The following CC2D2A variants were observed in gnomAD, a reference collection of about 807,000 sequenced individuals.
CC2D2A encodes the protein coiled-coil and C2 domain-containing protein 2A.
CC2D2A carries 155 observed loss-of-function variants against 212.9 expected under a neutral mutation model. The ratio of observed to expected loss-of-function variants is 0.73; its 90% CI spans 0.64 to 0.83. The LOEUF (loss-of-function observed/expected upper bound fraction) is 0.83. CC2D2A is among the 40% of genes least tolerant of loss of function. The probability of loss-of-function intolerance (pLI) is 0.00; values close to 1 mark genes in which losing one functional copy is unlikely to be tolerated. For missense variants in CC2D2A, 1,856 were observed against 1,956.2 expected, an observed-to-expected ratio of 0.95 and a Z score of 0.97; for synonymous variants, 667 against 686.5, an observed-to-expected ratio of 0.97 and a Z score of 0.44.
chr4:15,524,543 C>A (rs60131146), intron 11 of CC2D2A, among the ~76,000 whole-genome samples: 2 of 150,990 alleles, frequency 1.3e-5, no homozygotes, highest in East Asian at 3.9e-4. Context: ...CTCCGCCTCC[C>A]GGGTTCACGC....
In CC2D2A at chr4:15,537,887, C is replaced by G; in HGVS notation, c.1765-12C>G. On this transcript the variant is annotated splice_polypyrimidine_tract_variant and intron_variant, in intron 15 of 36. Coordinates refer to ENST00000424120, the MANE Select transcript of CC2D2A (RefSeq NM_001378615.1). Reference sequence around the variant, plus strand: ...ATTCCTGTTTGATATCATGTTGCCTCTAACTCAACAGAGGGCCAAGAAGAA... The same window carrying G: ...ATTCCTGTTTGATATCATGTTGCCTGTAACTCAACAGAGGGCCAAGAAGAA... 6.3e-7 allele frequency: 1 copy of G among 1,580,536 alleles called. No individual in the cohort carries two copies. Among genetic ancestry groups the G allele is most frequent in the Non-Finnish European group, 8.6e-7 (1 of 1,163,458 alleles).
chr4:15,508,475 C>G (rs1343165745), intron 6 of CC2D2A, among the ~76,000 whole-genome samples: 1 of 152,084 alleles, frequency 6.6e-6, no homozygotes, highest in East Asian at 1.9e-4. Context: ...TAATGGCTAC[C>G]ATTAATGCAC....
intron 3 of CC2D2A, chr4:15,479,156 A>G (rs986169560): frequency 6.8e-6 from 8 of 1,168,798 alleles, no homozygotes; most frequent in Non-Finnish European, 9.9e-6. Flanking sequence ...ATGGCAGTAC[A>G]CGATTACAAA....
intron 4 of CC2D2A, among the ~76,000 whole-genome samples, chr4:15,485,126 A>G (rs1341064868): frequency 6.6e-6 from 1 of 152,204 alleles, no homozygotes; most frequent in East Asian, 1.9e-4. Context: ...GGGCATAACA[A>G]CAAATGCTCA....
At chr4:15,551,607 A>G (rs1174009203) in intron 18 of CC2D2A, among the ~76,000 whole-genome samples, 1 of 151,950 alleles carries the variant, frequency 6.6e-6, no homozygotes, top group Non-Finnish European at 1.5e-5. Context: ...GTATATTTCA[A>G]CTCTAGAAAT....
chr4:15,493,579 ATT>A (rs970679145), intron 4 of CC2D2A, among the ~76,000 whole-genome samples: 3 of 152,074 alleles, frequency 2.0e-5, no homozygotes, highest in Non-Finnish European at 4.4e-5. Context: ...GGCCTAGTCT[ATT>A]TAAAACTGCA....
At chr4:15,568,626 A>C (rs1720008201) in intron 26 of CC2D2A, among the ~76,000 whole-genome samples, 1 of 152,242 alleles carries the variant, frequency 6.6e-6, no homozygotes, top group Non-Finnish European at 1.5e-5. Context: ...AAGTCAGAAG[A>C]AGGTAACAGC....
chr4:15,531,294 C>T (rs934651690), intron 13 of CC2D2A, among the ~76,000 whole-genome samples: 1 of 152,154 alleles, frequency 6.6e-6, no homozygotes, highest in Non-Finnish European at 1.5e-5. Context: ...CAGACACCAT[C>T]CCCACGCATT....
At chr4:15,470,897 A>G (rs1261544427) in intron 1 of CC2D2A, among the ~76,000 whole-genome samples, 1 of 151,986 alleles carries the variant, frequency 6.6e-6, no homozygotes, top group Non-Finnish European at 1.5e-5. Context: ...TAAGAGTACA[A>G]TGAGCTAAGT....
rs542894951 is a variant in CC2D2A at position 15,580,830 on chromosome 4, G to A, written c.3975+659G>A. Among the ~76,000 whole-genome samples, 210 of 152,234 alleles carry A rather than the reference G, an allele frequency of 1.4e-3. 1 individual carries two copies. Among genetic ancestry groups the A allele is most frequent in the Non-Finnish European group, 2.6e-3 (175 of 68,002 alleles). On this transcript the variant is annotated intron_variant, in intron 30 of 36. Transcript: ENST00000424120. ...CTTCAGAAGTTATACACATTCAACT[G>A]TACTAAGATAACTATCCAGTATTAC...
intron 1 of CC2D2A, among the ~76,000 whole-genome samples, chr4:15,475,135 G>A (rs554773679): frequency 7.9e-5 from 12 of 152,174 alleles, no homozygotes; most frequent in South Asian, 2.1e-4. Flanking sequence ...TTAGCCGGGC[G>A]TGGTGGCATG....
rs199676280 is a variant in CC2D2A, at chr4:15,528,557, C to A, written c.1360-63C>A. ...TTTTGCCCAGGAGAAGTGGGTGGGT[C>A]CAGTTGCACTGCAGTAGGGAATAGA... is the stretch of plus-strand genomic sequence containing the variant. On this transcript the variant is annotated intron_variant, in intron 12 of 36. Transcript: ENST00000424120. 2.9e-6 allele frequency: 4 copies of A among 1,361,730 alleles called. No homozygotes were observed. The African/African-American group carries it at 4.3e-5, about 15-fold the overall frequency. The allele number at this position is 1,361,730 out of a possible 1,614,324, so 84.4% of individuals were successfully genotyped here. A position where few individuals can be genotyped will look rare whatever the true frequency, so the allele number is the denominator to read the frequency against.
chr4:15,524,447 A>ATTTTTTTTTTTTTTT (rs71179636), intron 11 of CC2D2A, among the ~76,000 whole-genome samples: 14 of 89,970 alleles, frequency 1.6e-4, no homozygotes, highest in South Asian at 7.1e-4. Flanking sequence ...AAAATTTTTA[A>ATTTTTTTTTTTTTTT]TTTTTTTTTT....
In CC2D2A at chr4:15,533,228, AAGAT is replaced by A; in HGVS notation, c.1506_1509del (p.Asp502GlufsTer8). On this transcript the variant is annotated frameshift_variant, in exon 14 of 37. Coordinates refer to ENST00000424120, the MANE Select transcript of CC2D2A (RefSeq NM_001378615.1). LOFTEE classifies it high-confidence loss of function. Reference sequence around the variant, plus strand: ...AAATTCCGTGATGCTGAACAAGAAAAAGATAGAACATTGCTTAAGACTATCATAA... The same window carrying A: ...AAATTCCGTGATGCTGAACAAGAAAAAGAACATTGCTTAAGACTATCATAA... 1 of 1,594,420 alleles carries A rather than the reference AAGAT, an allele frequency of 6.3e-7. No individual in the cohort carries two copies. Among genetic ancestry groups the A allele is most frequent in the Non-Finnish European group, 8.5e-7 (1 of 1,174,650 alleles).
intron 4 of CC2D2A, among the ~76,000 whole-genome samples, chr4:15,501,882 A>G (rs1256693974): frequency 6.6e-6 from 1 of 152,244 alleles, no homozygotes; most frequent in Non-Finnish European, 1.5e-5. Flanking sequence ...CATGATATTT[A>G]TGGGTAAATT....
chr4:15,495,120 T>A (rs1350634722), intron 4 of CC2D2A, among the ~76,000 whole-genome samples: 2 of 152,192 alleles, frequency 1.3e-5, no homozygotes, highest in Non-Finnish European at 2.9e-5. Flanking sequence ...TTTTTCTTTT[T>A]TTTTGGAAGA....
At chr4:15,582,063 T>C (rs1720685909) in intron 30 of CC2D2A, among the ~76,000 whole-genome samples, 1 of 152,200 alleles carries the variant, frequency 6.6e-6, no homozygotes, top group African/African-American at 2.4e-5. Flanking sequence ...ACATGTTTAA[T>C]ATATTTAAGA....
At chr4:15,550,255 T>G (rs539160854) in intron 17 of CC2D2A, among the ~76,000 whole-genome samples, 20 of 152,206 alleles carry the variant, frequency 1.3e-4, no homozygotes, top group Non-Finnish European at 2.8e-4. Flanking sequence ...ATGGTCTAAT[T>G]GGCTCCATCT....
chr4:15,567,088 GC>G (rs1719915376), intron 24 of CC2D2A, among the ~76,000 whole-genome samples: 1 of 152,030 alleles, frequency 6.6e-6, no homozygotes. Context: ...TTTGAGACCA[GC>G]CTTAGCAACA....
Sources: gnomAD v4.1 joint callset for allele counts (sites outside exome capture counted in the v4.1 genomes callset) on GRCh38, gnomAD v4.1.1 for gene constraint, MANE v1.5 for transcripts, NCBI Gene and HGNC (gene_info 2026-07-23, HGNC 2026-07-21) for gene names.